PTPRZ1: variants seen among roughly 807,000 people sequenced by gnomAD.
The protein encoded by PTPRZ1 is protein tyrosine phosphatase receptor type Z1, also known as receptor-type tyrosine-protein phosphatase zeta.
Under a neutral mutation model 214.1 loss-of-function variants are expected in PTPRZ1, and 82 were observed. The ratio of observed to expected loss-of-function variants is 0.38; its 90% confidence interval spans 0.32 to 0.46. The LOEUF is 0.46. PTPRZ1 is among the 20% of genes least tolerant of loss of function. PTPRZ1 has a pLI of 1.00. For synonymous variants in PTPRZ1, 945 were observed against 987.9 expected (o/e 0.96, Z 0.81); for missense variants, 2,603 against 2,748.7 (o/e 0.95, Z 1.19).
intron 1 of PTPRZ1, among the ~76,000 whole-genome samples, chr7:121,899,268 A>G (rs1794890799): frequency 6.6e-6 from 1 of 152,070 alleles, no homozygotes; most frequent in African/African-American, 2.4e-5. Flanking sequence ...AATCGATTAT[A>G]TTTATTTTCA....
chr7:121,912,454 C>A (rs1303032543), intron 1 of PTPRZ1, among the ~76,000 whole-genome samples: 2 of 152,112 alleles, frequency 1.3e-5, no homozygotes, highest in Non-Finnish European at 2.9e-5. Context: ...GTACTAGTTT[C>A]TGCTCTTAAA....
chr7:121,943,645 G>A (rs184243004), intron 2 of PTPRZ1, among the ~76,000 whole-genome samples: 85 of 152,266 alleles, frequency 5.6e-4, no homozygotes, highest in Admixed American at 4.3e-3. Flanking sequence ...GCCAATAATG[G>A]AGAATTTAAA....
intron 2 of PTPRZ1, among the ~76,000 whole-genome samples, chr7:121,963,401 C>CTG (rs1796940229): frequency 6.6e-6 from 1 of 152,054 alleles, no homozygotes; most frequent in Non-Finnish European, 1.5e-5. Context: ...TACTATGTGT[C>CTG]ATTCGTTTTT....
intron 1 of PTPRZ1, among the ~76,000 whole-genome samples, chr7:121,904,936 TG>T (rs1250919782): frequency 6.6e-6 from 1 of 152,206 alleles, no homozygotes; most frequent in East Asian, 1.9e-4. Context: ...GAATTAAAGC[TG>T]GGTCTTTAAC....
At chr7:121,955,779 G>T (rs1196482) in intron 2 of PTPRZ1, among the ~76,000 whole-genome samples, 1 of 151,978 alleles carries the variant, frequency 6.6e-6, no homozygotes, top group African/African-American at 2.4e-5. Context: ...CTTCTGAAGT[G>T]GTGTCTTGTC....
At chr7:121,873,978 T>C (rs1475091429) in intron 1 of PTPRZ1, among the ~76,000 whole-genome samples, 5 of 152,058 alleles carry the variant, frequency 3.3e-5, no homozygotes, top group Non-Finnish European at 5.9e-5. Context: ...TTGCTGTTCA[T>C]TTTTATGCTA....
chr7:121,907,619 GTATTTA>G (rs780006847), intron 1 of PTPRZ1, among the ~76,000 whole-genome samples: 36 of 151,944 alleles, frequency 2.4e-4, no homozygotes, highest in African/African-American at 7.7e-4. Flanking sequence ...AAGGTTTAGA[GTATTTA>G]TATTTATACG....
chr7:122,041,520 TC>T, intron 21 of PTPRZ1, among the ~76,000 whole-genome samples: 1 of 148,050 alleles, frequency 6.8e-6, no homozygotes, highest in Non-Finnish European at 1.5e-5. Context: ...TATTGTCAAT[TC>T]ATTGTTGCCA....
intron 3 of PTPRZ1, among the ~76,000 whole-genome samples, chr7:121,970,534 G>T (rs536688172): frequency 6.6e-6 from 1 of 152,102 alleles, no homozygotes; most frequent in African/African-American, 2.4e-5. Flanking sequence ...GTTTTGATTT[G>T]CATTTCTCTG....
At chr7:121,875,839 A>C (rs563233120) in intron 1 of PTPRZ1, among the ~76,000 whole-genome samples, 7 of 152,230 alleles carry the variant, frequency 4.6e-5, no homozygotes, top group Non-Finnish European at 1.0e-4. Flanking sequence ...ATTATTTTTC[A>C]CTCAGCACCT....
At position 122,039,497 on chromosome 7, in the gene PTPRZ1, A is replaced by G. The variant is rs1356187307; in HGVS notation, c.5546A>G (p.Tyr1849Cys). Residue 1849 changes from tyrosine (Y) to cysteine (C), a missense_variant, in exon 20 of 30, where the codon TAC (tyrosine) becomes TGC (cysteine). This residue lies in a region of PTPRZ1 where 1,913 missense variants were observed against 1,914.3 expected (regional missense o/e 1.00). Transcript: ENST00000393386. ...QYWPADGSEE[Y>C]GNFLVTQKSV... Reference sequence around the variant, plus strand: ...TGGCCTGCCGATGGGAGTGAGGAGTACGGGAACTTTCTGGTCACTCAGAAG... The same window carrying G: ...TGGCCTGCCGATGGGAGTGAGGAGTGCGGGAACTTTCTGGTCACTCAGAAG... The G allele has an allele frequency of 1.2e-6, 2 of 1,613,940 alleles. No individual in the cohort carries two copies. Among genetic ancestry groups the G allele is most frequent in the Non-Finnish European group, 1.7e-6 (2 of 1,179,970 alleles).
chr7:122,026,929 G>A (rs922889521), intron 13 of PTPRZ1, among the ~76,000 whole-genome samples: 6 of 152,080 alleles, frequency 3.9e-5, no homozygotes, highest in African/African-American at 1.2e-4. Flanking sequence ...ACATGCTCCC[G>A]AGCACTAAAG....
intron 23 of PTPRZ1, among the ~76,000 whole-genome samples, chr7:122,048,318 T>C (rs1456297078): frequency 6.6e-6 from 1 of 151,970 alleles, no homozygotes; most frequent in South Asian, 2.1e-4. Context: ...TGTGTCCAGA[T>C]TGATGAAGGG....
intron 10 of PTPRZ1, among the ~76,000 whole-genome samples, chr7:122,003,746 G>A (rs544896605): frequency 1.3e-5 from 2 of 152,244 alleles, no homozygotes; most frequent in African/African-American, 4.8e-5. Flanking sequence ...AATGACCCAG[G>A]CAGCTCAGAC....
chr7:121,911,562 T>A (rs1795278544), intron 1 of PTPRZ1, among the ~76,000 whole-genome samples: 1 of 152,136 alleles, frequency 6.6e-6, no homozygotes, highest in Non-Finnish European at 1.5e-5. Flanking sequence ...TTAGCAAATA[T>A]GAACAGCAAC....
intron 2 of PTPRZ1, among the ~76,000 whole-genome samples, chr7:121,938,758 G>A (rs1438958315): frequency 6.6e-6 from 1 of 152,114 alleles, no homozygotes; most frequent in African/African-American, 2.4e-5. Flanking sequence ...TGGGGGTGGA[G>A]AGAAAAGTGT....
At chr7:122,034,011 C>A in intron 15 of PTPRZ1, 84 bp from the exon 16 acceptor site, 1 of 1,271,226 alleles carries the variant, frequency 7.9e-7, no homozygotes, top group Non-Finnish European at 1.1e-6. Context: ...CATTGTAAAC[C>A]TAATATGAAC....
intron 17 of PTPRZ1, among the ~76,000 whole-genome samples, chr7:122,034,816 G>C (rs1383495963): frequency 1.2e-4 from 18 of 151,532 alleles, no homozygotes; most frequent in African/African-American, 2.4e-5. Context: ...ATTCTTCCTG[G>C]GGTCTTATAA....
Position 121,949,174 on chromosome 7 carries a change from A to G in PTPRZ1, c.125-18777A>G, listed in dbSNP as rs183581885. Among the ~76,000 whole-genome samples the G allele has an allele frequency of 8.5e-4, 130 of 152,302 alleles. 3 individuals carry two copies. The highest frequency in any genetic ancestry group is 8.2e-3 in the Admixed American group (126 of 15,294). ...GAAGCAAGGAGGGGGCTTCTAGGTC[A>G]TAGGTAGAAAAGAGACAAATGGCTG... On this transcript the variant is annotated intron_variant, in intron 2 of 29. Transcript: ENST00000393386.
Sources: allele counts gnomAD v4.1 joint callset (sites outside exome capture counted in the v4.1 genomes callset), GRCh38; gene constraint gnomAD v4.1.1; regional missense constraint gnomAD v4.1.1; transcripts MANE v1.5; gene names NCBI Gene and HGNC (gene_info 2026-07-23, HGNC 2026-07-21).